MCTP2: variants seen among roughly 807,000 people sequenced by gnomAD.
The protein encoded by MCTP2 is multiple C2 and transmembrane domain containing 2.
A neutral mutation model predicts 111.6 loss-of-function variants in MCTP2; 132 were observed. The ratio of observed to expected loss-of-function variants is 1.18; its 90% confidence interval spans 1.03 to 1.37. The LOEUF (loss-of-function observed/expected upper bound fraction) is 1.37, where lower values mean the gene tolerates loss of function less well. MCTP2 is among the 40% of genes most tolerant of loss of function. The probability of loss-of-function intolerance (pLI) is 0.00; values close to 1 mark genes in which losing one functional copy is unlikely to be tolerated. For synonymous variants in MCTP2, 395 were observed against 387.7 expected (o/e 1.02, Z -0.22); for missense variants, 1,183 against 1,067.9 (o/e 1.11, Z -1.50).
Position 94,315,563 on chromosome 15 carries a change from T to C in MCTP2, c.563T>C (p.Leu188Pro). Residue 188 changes from leucine to proline, a missense_variant, in exon 4 of 23, where the codon CTC (leucine) becomes CCC (proline). Transcript: ENST00000357742. ...PGEASDGLSN[L>P]PSPFAYLLTI... is the part of the protein sequence containing the mutation. ...GAAGCCAGTGATGGCTTGAGTAACC[T>C]CCCCAGCCCTTTTGCGTACCTCCTC... The C allele has an allele frequency of 1.2e-6, 2 of 1,614,082 alleles. No homozygotes were observed. The highest frequency in any genetic ancestry group is 2.2e-5 in the South Asian group (2 of 91,058).
At chr15:94,469,112 A>G (rs1426506205) in intron 20 of MCTP2, among the ~76,000 whole-genome samples, 2 of 152,192 alleles carry the variant, frequency 1.3e-5, no homozygotes, top group African/African-American at 4.8e-5. Flanking sequence ...TGGCACATAT[A>G]AAATGCTTAA....
intron 21 of MCTP2, among the ~76,000 whole-genome samples, chr15:94,474,155 C>G (rs2074154561): frequency 6.6e-6 from 1 of 152,114 alleles, no homozygotes. Flanking sequence ...TCCCTCTGTA[C>G]TATTTAGGTT....
At chr15:94,312,027 T>C (rs1420227226) in intron 2 of MCTP2, among the ~76,000 whole-genome samples, 1 of 152,176 alleles carries the variant, frequency 6.6e-6, no homozygotes, top group Non-Finnish European at 1.5e-5. Context: ...TTATCCACTT[T>C]AGTGGATCCC....
Position 94,356,154 on chromosome 15 carries a change from C to A in MCTP2, c.1023C>A (p.Asn341Lys). ...TGCTTTAGTCCTCTTTGATACGCAA[C>A]CTACGGCTCTCTGAGTCCTTGAAAA... ...LSASKSSLIR[N>K]LRLSESLKKN... is the part of the protein sequence containing the mutation. Residue 341 changes from asparagine to lysine, a missense_variant, in exon 9 of 23, where the codon AAC becomes AAA. Coordinates refer to ENST00000357742, the MANE Select transcript of MCTP2 (RefSeq NM_001385001.1). 1 of 1,607,958 alleles carries A rather than the reference C, an allele frequency of 6.2e-7. No individual in the cohort carries two copies. The highest frequency in any genetic ancestry group is 8.5e-7 in the Non-Finnish European group (1 of 1,177,218).
chr15:94,245,432 T>G (rs28575128), intron 1 of MCTP2, among the ~76,000 whole-genome samples: 9 of 114,114 alleles, frequency 7.9e-5, no homozygotes, highest in African/African-American at 2.9e-4. Context: ...GTGTATATAT[T>G]TATATATACA....
At chr15:94,424,009 A>G (rs1043977749) in intron 17 of MCTP2, among the ~76,000 whole-genome samples, 5 of 152,166 alleles carry the variant, frequency 3.3e-5, no homozygotes, top group Admixed American at 1.3e-4. Context: ...CTTTGTCCCC[A>G]GGAGTAATGG....
intron 17 of MCTP2, among the ~76,000 whole-genome samples, chr15:94,439,347 C>T (rs1284170922): frequency 1.3e-5 from 2 of 151,832 alleles, no homozygotes; most frequent in South Asian, 2.1e-4. Context: ...CACTTACAGA[C>T]AGCTGATAAC....
chr15:94,273,057 G>A (rs573808059), intron 1 of MCTP2, among the ~76,000 whole-genome samples: 1 of 152,270 alleles, frequency 6.6e-6, no homozygotes, highest in South Asian at 2.1e-4. Context: ...ACTTCTCAGC[G>A]AATTACCCTA....
At chr15:94,386,428 A>G (rs1472534626) in intron 14 of MCTP2, among the ~76,000 whole-genome samples, 1 of 152,226 alleles carries the variant, frequency 6.6e-6, no homozygotes, top group Non-Finnish European at 1.5e-5. Flanking sequence ...CTTGATGTTT[A>G]CAGAGGGAGG....
At chr15:94,401,750 A>C (rs1294722095) in intron 16 of MCTP2, 150 bp from the exon 17 acceptor site, 1 of 487,878 alleles carries the variant, frequency 2.0e-6, no homozygotes, top group Non-Finnish European at 3.4e-6. Context: ...AAAGACTTTT[A>C]GAAGTGTCAG....
At chr15:94,289,552 G>A (rs946700264) in intron 1 of MCTP2, among the ~76,000 whole-genome samples, 13 of 152,072 alleles carry the variant, frequency 8.5e-5, no homozygotes, top group Admixed American at 8.5e-4. Context: ...AAATACAATA[G>A]CCTTTCTATT....
intron 1 of MCTP2, among the ~76,000 whole-genome samples, chr15:94,258,738 A>C (rs1043582318): frequency 6.6e-6 from 1 of 152,226 alleles, no homozygotes; most frequent in African/African-American, 2.4e-5. Flanking sequence ...AAAAGGAGAG[A>C]TACAGTTCTG....
chr15:94,379,217 G>A (rs542556256), intron 12 of MCTP2, among the ~76,000 whole-genome samples: 175 of 152,148 alleles, frequency 1.2e-3, no homozygotes, highest in African/African-American at 4.0e-3. Flanking sequence ...AGTGAAGTTA[G>A]GAGTGGAGGA....
At chr15:94,330,556 G>A (rs2077085029) in intron 4 of MCTP2, among the ~76,000 whole-genome samples, 2 of 151,478 alleles carry the variant, frequency 1.3e-5, no homozygotes, top group Non-Finnish European at 2.9e-5. Context: ...TTTTATTGTA[G>A]TATTCTAGCT....
chr15:94,469,382 A>G (rs778021587), intron 20 of MCTP2, among the ~76,000 whole-genome samples: 2 of 152,240 alleles, frequency 1.3e-5, no homozygotes, highest in African/African-American at 4.8e-5. Context: ...TAGATACAAC[A>G]AAAGGAGCCA....
chr15:94,475,299 C>A (rs2074262824), intron 21 of MCTP2, among the ~76,000 whole-genome samples: 1 of 152,116 alleles, frequency 6.6e-6, no homozygotes, highest in Admixed American at 6.5e-5. Context: ...TGCTAGGAAC[C>A]TTCACCAGCC....
At chr15:94,384,746 G>T (rs938069867) in intron 13 of MCTP2, among the ~76,000 whole-genome samples, 1 of 152,152 alleles carries the variant, frequency 6.6e-6, no homozygotes, top group East Asian at 1.9e-4. Flanking sequence ...GCTTATAAGT[G>T]AAAAAATAAA....
Position 94,483,570 on chromosome 15 carries a change from T to C in MCTP2, c.*4536T>C, listed in dbSNP as rs569684373. The C allele has an allele frequency of 2.6e-5, 4 of 152,316 alleles. No individual in the cohort carries two copies. The East Asian group carries it at 7.7e-4, about 29-fold the overall frequency. The allele number at this position is 152,316 out of a possible 1,614,324, so 9.4% of individuals were successfully genotyped here. A position where few individuals can be genotyped will look rare whatever the true frequency, so the allele number is the denominator to read the frequency against. ...CCTTTTGCAGGAACTTGGATACAGC[T>C]GGAGGCCATTATCCTTAGCAAACTA... is the stretch of plus-strand genomic sequence containing the variant. On this transcript the variant is annotated 3_prime_UTR_variant, in exon 23 of 23. Coordinates refer to ENST00000357742, the MANE Select transcript of MCTP2 (RefSeq NM_001385001.1).
intron 14 of MCTP2, among the ~76,000 whole-genome samples, chr15:94,385,834 T>C (rs2080436449): frequency 6.6e-6 from 1 of 152,230 alleles, no homozygotes; most frequent in South Asian, 2.1e-4. Flanking sequence ...GGAATATAGA[T>C]GAATGACTGA....
Sources: gnomAD v4.1 joint callset for allele counts (sites outside exome capture counted in the v4.1 genomes callset) on GRCh38, gnomAD v4.1.1 for gene constraint, MANE v1.5 for transcripts, NCBI Gene and HGNC (gene_info 2026-07-23, HGNC 2026-07-21) for gene names.